Variants in DAB1 observed in about 807,000 individuals in gnomAD.
DAB1 encodes the protein DAB adaptor protein 1, also known as disabled homolog 1.
DAB1 carries 15 observed loss-of-function variants against 64.6 expected under a neutral mutation model. The observed-to-expected ratio is 0.23, with a 90% CI of 0.16 to 0.36. The LOEUF (loss-of-function observed/expected upper bound fraction) is 0.36. Ranked by LOEUF, DAB1 falls within the 10% of genes least tolerant of loss-of-function variation. DAB1 has a pLI of 1.00. For synonymous variants in DAB1, 235 were observed against 251.9 expected, an observed-to-expected ratio of 0.93 and a Z score of 0.64; for missense variants, 596 against 706.7, an observed-to-expected ratio of 0.84 and a Z score of 1.78.
At chr1:58,067,444 G>A (rs957641580) in intron 5 of DAB1, among the ~76,000 whole-genome samples, 1 of 152,178 alleles carries the variant, frequency 6.6e-6, no homozygotes, top group African/African-American at 2.4e-5. Flanking sequence ...TCCTTACATA[G>A]TTCTTGTGTG....
intron 2 of DAB1, among the ~76,000 whole-genome samples, chr1:57,227,923 T>C (rs1472411005): frequency 6.6e-6 from 1 of 152,160 alleles, no homozygotes; most frequent in Non-Finnish European, 1.5e-5. Flanking sequence ...GAATAACTTA[T>C]GGGCGAGTGG....
intron 1 of DAB1, chr1:57,880,836 T>G (rs1488343921): frequency 6.6e-6 from 1 of 152,220 alleles, no homozygotes; most frequent in Non-Finnish European, 1.5e-5. Context: ...AAATCCAGTA[T>G]CAAAACACCC....
chr1:58,510,940 A>T (rs986895010), intron 2 of DAB1, among the ~76,000 whole-genome samples: 13 of 152,272 alleles, frequency 8.5e-5, no homozygotes, highest in Middle Eastern at 3.4e-3. Context: ...TACACTAAAA[A>T]GTATCTAAAA....
chr1:57,788,622 C>G (rs1021681664), intron 6 of DAB1, among the ~76,000 whole-genome samples: 5 of 152,162 alleles, frequency 3.3e-5, no homozygotes, highest in Non-Finnish European at 7.3e-5. Flanking sequence ...GAGAGAGAGT[C>G]TCTTTACTCA....
chr1:57,533,022 G>A (rs1644683833), intron 7 of DAB1, among the ~76,000 whole-genome samples: 2 of 152,084 alleles, frequency 1.3e-5, no homozygotes, highest in South Asian at 4.2e-4. Flanking sequence ...TGTACACACA[G>A]TTCATGAGGG....
At chr1:57,074,977 G>A (rs182411090) in intron 4 of DAB1, among the ~76,000 whole-genome samples, 13 of 152,312 alleles carry the variant, frequency 8.5e-5, no homozygotes, top group Admixed American at 7.8e-4. Flanking sequence ...TGGGGGCATT[G>A]ATTTATAGGC....
intron 1 of DAB1, among the ~76,000 whole-genome samples, chr1:57,837,140 T>C (rs1652843201): frequency 6.6e-6 from 1 of 152,192 alleles, no homozygotes; most frequent in African/African-American, 2.4e-5. Context: ...TGGGTCCCTC[T>C]TTCCTCTTTG....
At chr1:57,124,857 C>G (rs939003304) in intron 4 of DAB1, among the ~76,000 whole-genome samples, 1 of 152,198 alleles carries the variant, frequency 6.6e-6, no homozygotes, top group African/African-American at 2.4e-5. Context: ...ATCAGACAGA[C>G]TGTCAGGCTT....
At chr1:58,000,033 G>A (rs548736218) in intron 5 of DAB1, among the ~76,000 whole-genome samples, 1 of 151,516 alleles carries the variant, frequency 6.6e-6, no homozygotes, top group East Asian at 1.9e-4. Context: ...AGAAAGGGAG[G>A]GAGGAAAGGA....
chr1:58,489,832 G>C (rs149971045), intron 3 of DAB1, among the ~76,000 whole-genome samples: 18 of 152,266 alleles, frequency 1.2e-4, no homozygotes, highest in African/African-American at 3.6e-4. Context: ...AGGCAAACAG[G>C]GTCTGGAGTG....
intron 5 of DAB1, among the ~76,000 whole-genome samples, chr1:58,131,190 C>T (rs1278065576): frequency 8.3e-5 from 12 of 144,188 alleles, no homozygotes; most frequent in Non-Finnish European, 1.1e-4. Context: ...CTTCCCTTCT[C>T]GCTTCATTTC....
At chr1:58,148,578 A>C (rs953693341) in intron 5 of DAB1, among the ~76,000 whole-genome samples, 3 of 152,214 alleles carry the variant, frequency 2.0e-5, no homozygotes, top group African/African-American at 7.2e-5. Context: ...TGAGTAATTT[A>C]CAAGGAAAAA....
intron 6 of DAB1, among the ~76,000 whole-genome samples, chr1:57,698,087 C>T (rs1310999038): frequency 6.6e-6 from 1 of 151,462 alleles, no homozygotes; most frequent in Admixed American, 6.6e-5. Flanking sequence ...ACAAACTTGT[C>T]CACTTTTTTT....
chr1:58,326,628 C>G (rs1198063206), intron 4 of DAB1, among the ~76,000 whole-genome samples: 3 of 152,196 alleles, frequency 2.0e-5, no homozygotes, highest in Non-Finnish European at 4.4e-5. Flanking sequence ...CTGACAGCAA[C>G]CCAGTGATAA....
intron 5 of DAB1, among the ~76,000 whole-genome samples, chr1:57,904,696 G>C (rs1644525697): frequency 6.6e-6 from 1 of 152,148 alleles, no homozygotes; most frequent in Non-Finnish European, 1.5e-5. Context: ...CAGGCAGAGG[G>C]AAGAACAAGG....
At chr1:57,853,247 T>TA (rs35904605) in intron 1 of DAB1, among the ~76,000 whole-genome samples, 22,711 of 140,268 alleles carry the variant, frequency 0.16, 1,842 homozygotes, top group East Asian at 0.28. Flanking sequence ...GGGCTATCTT[T>TA]AAAAAAAAAA....
chr1:58,300,584 GAAAGAAAGAA>G (rs1662108245), intron 4 of DAB1, among the ~76,000 whole-genome samples: 1 of 22,566 alleles, frequency 4.4e-5, no homozygotes, highest in African/African-American at 1.2e-4. Flanking sequence ...AAGAAAGAAA[GAAAGAAAGAA>G]AGAAAGAAAG....
chr1:57,071,432 G>T, intron 6 of DAB1, 90 bp downstream of exon 6: 1 of 1,427,752 alleles, frequency 7.0e-7, no homozygotes. Flanking sequence ...TTTCTACTTG[G>T]CAGCAGGAAG....
chr1:57,015,602 C>T (rs1421926178), intron 11 of DAB1, among the ~76,000 whole-genome samples, 171 bp from the exon 12 acceptor site: 1 of 152,188 alleles, frequency 6.6e-6, no homozygotes, highest in Non-Finnish European at 1.5e-5. Flanking sequence ...TGTCATAGAG[C>T]CTATATCCTA....
Sources: gnomAD v4.1 joint callset for allele counts (sites outside exome capture counted in the v4.1 genomes callset) on GRCh38, gnomAD v4.1.1 for gene constraint, MANE v1.5 for transcripts, NCBI Gene and HGNC (gene_info 2026-07-23, HGNC 2026-07-21) for gene names.